Variants in IL17RA observed in about 807,000 individuals in gnomAD.
IL17RA encodes the protein interleukin 17 receptor A.
In IL17RA, 34 loss-of-function variants were observed where a neutral mutation model predicts 50.4. The ratio of observed to expected loss-of-function variants is 0.67; its 90% CI spans 0.51 to 0.90. The LOEUF (loss-of-function observed/expected upper bound fraction) is 0.90. IL17RA is among the 40% of genes least tolerant of loss of function. The pLI is 0.00. For synonymous variants in IL17RA, 585 were observed against 510.4 expected, an observed-to-expected ratio of 1.15 and a Z score of -1.97; for missense variants, 1,276 against 1,169.8, an observed-to-expected ratio of 1.09 and a Z score of -1.32.
intron 1 of IL17RA, among the ~76,000 whole-genome samples, chr22:17,087,254 C>G (rs973550508): frequency 6.6e-6 from 1 of 152,200 alleles, no homozygotes; most frequent in African/African-American, 2.4e-5. Context: ...GCCAGAGGAC[C>G]TGGATTTGCA....
Position 17,103,484 on chromosome 22 carries a change from C to G in IL17RA, c.763-10C>G. ...CAACTAGCCTTACCCATCCTCGCCT[C>G]TCTCCTCAGCCCAGACCAGAAGAGT... On this transcript the variant is annotated splice_polypyrimidine_tract_variant and intron_variant, in intron 7 of 12. Transcript: ENST00000319363. The G allele has an allele frequency of 2.5e-6, 4 of 1,612,676 alleles. No homozygotes were observed. The highest frequency in any genetic ancestry group is 3.4e-6 in the Non-Finnish European group (4 of 1,179,330).
intron 1 of IL17RA, among the ~76,000 whole-genome samples, chr22:17,088,569 T>A (rs1365992385): frequency 2.6e-5 from 4 of 151,698 alleles, no homozygotes; most frequent in Non-Finnish European, 5.9e-5. Flanking sequence ...CACTGCAACA[T>A]CCACCTCCCA....
rs537930952 is a variant in IL17RA at position 17,107,433 on chromosome 22, C to T, written c.1046-294C>T. 7.2e-5 allele frequency among the ~76,000 whole-genome samples: 11 copies of T among 152,360 alleles called. No homozygotes were observed. The South Asian group carries it at 1.9e-3, about 26-fold the overall frequency. Reference sequence around the variant, plus strand: ...AATTGATTATGTACAACGTGCCAGGCACGTCACATACACACACTCATTTAA... The same window carrying T: ...AATTGATTATGTACAACGTGCCAGGTACGTCACATACACACACTCATTTAA... On this transcript the variant is annotated intron_variant, in intron 11 of 12. Transcript: ENST00000319363.
rs2061430554 is a variant in IL17RA at position 17,109,446 on chromosome 22, GAC to G, written c.2228_2229del (p.Asp743GlyfsTer27). On this transcript the variant is annotated frameshift_variant, in exon 13 of 13. Transcript: ENST00000319363. LOFTEE classifies it low-confidence loss of function (END_TRUNC). ...GGCGTCTCCTGACCTCCTTCCAGAGGACGTGAGGGAGCACCTCGAAGGCTTGA... is the reference window on the plus strand; with the variant it reads ...GGCGTCTCCTGACCTCCTTCCAGAGGGTGAGGGAGCACCTCGAAGGCTTGA... ...PMASPDLLPE[D>X]VREHLEGLML... The G allele has an allele frequency of 6.2e-7, 1 of 1,613,388 alleles. No homozygotes were observed. The highest frequency in any genetic ancestry group is 1.1e-5 in the South Asian group (1 of 91,036).
At position 17,108,377 on chromosome 22, in the gene IL17RA, C is replaced by T. The variant is rs760800603; in HGVS notation, c.1158C>T (p.Ala386=). The change falls in exon 13 of 13, where the codon GCC becomes GCT. Residue 386 remains alanine (A), a synonymous_variant. Coordinates refer to ENST00000319363, the MANE Select transcript of IL17RA (RefSeq NM_014339.7). Reference sequence around the variant, plus strand: ...GGAAGGTCTGGATCATCTACTCAGCCGACCACCCCCTCTACGTGGACGTGG... The same window carrying T: ...GGAAGGTCTGGATCATCTACTCAGCTGACCACCCCCTCTACGTGGACGTGG... The part of the protein sequence containing the change: ...KPRKVWIIYS[A]DHPLYVDVVL... The T allele has an allele frequency of 3.7e-6, 6 of 1,614,018 alleles. No individual in the cohort carries two copies. The highest frequency in any genetic ancestry group is 2.2e-5 in the South Asian group (2 of 91,076).
rs12157751 is a variant in IL17RA at position 17,110,219 on chromosome 22, C to T, written c.*399C>T. On this transcript the variant is annotated 3_prime_UTR_variant, in exon 13 of 13. Coordinates refer to ENST00000319363, the MANE Select transcript of IL17RA (RefSeq NM_014339.7). The stretch of plus-strand genomic sequence containing the variant: ...GACACGTTAAACGAACAGGATGGGC[C>T]GGGCACGGTGGCTCACGCCTGTAAT... 581 of 300,186 alleles carry T rather than the reference C, an allele frequency of 1.9e-3. 4 individuals are homozygous for T. The highest frequency in any genetic ancestry group is 0.012 in the African/African-American group (542 of 44,954). The allele number at this position is 300,186 out of a possible 1,614,324, so 18.6% of individuals were successfully genotyped here.
chr22:17,100,510 C>T, intron 5 of IL17RA, 29 bp downstream of exon 5: 2 of 1,612,582 alleles, frequency 1.2e-6, no homozygotes, highest in African/African-American at 1.3e-5. Flanking sequence ...GACATTCCCT[C>T]CCCAATGGCC....
In IL17RA at chr22:17,086,219, T is replaced by TCCCCTCCACCTC. The variant is rs2061327305; in HGVS notation, c.138+992_138+1003dup. On this transcript the variant is annotated intron_variant, in intron 1 of 12. Transcript: ENST00000319363. The stretch of plus-strand genomic sequence containing the variant: ...CCCGCATCCCCGAGGGGATCTTTCC[T>TCCCCTCCACCTC]CCCCTCCACCTCCACCTCCACCTCC... 1.2e-4 allele frequency among the ~76,000 whole-genome samples: 18 copies of TCCCCTCCACCTC among 151,718 alleles called. No homozygotes were observed. The South Asian group carries it at 3.8e-3, about 32-fold the overall frequency.
At chr22:17,093,954 C>CTTTTATTTTATCTTACTTTA (rs2061356470) in intron 1 of IL17RA, 1 of 89,400 alleles carries the variant, frequency 1.1e-5, no homozygotes, top group Admixed American at 1.2e-4. Context: ...CAGAATAGCC[C>CTTTTATTTTATCTTACTTTA]TTTTATTTTA....
Position 17,100,408 on chromosome 22 carries a change from G to T in IL17RA, c.477G>T (p.Val159=). Residue 159 remains valine (V), a synonymous_variant, in exon 5 of 13, where the codon GTG becomes GTT. Transcript: ENST00000319363. Reference sequence around the variant, plus strand: ...TTGACCCTGACCAGGAATATGAGGTGACCGTTCACCACCTGCCCAAGCCCA... The same window carrying T: ...TTGACCCTGACCAGGAATATGAGGTTACCGTTCACCACCTGCCCAAGCCCA... ...FVVDPDQEYE[V]TVHHLPKPIP... is the part of the protein sequence containing the mutation. 1.2e-6 allele frequency: 2 copies of T among 1,614,102 alleles called. No homozygotes were observed. The highest frequency in any genetic ancestry group is 2.2e-5 in the South Asian group (2 of 91,080).
chr22:17,096,486 G>A (rs1179557440), intron 1 of IL17RA, among the ~76,000 whole-genome samples: 1 of 152,136 alleles, frequency 6.6e-6, no homozygotes, highest in Non-Finnish European at 1.5e-5. Flanking sequence ...CTTAGGAGAT[G>A]AAGGGGCCCT....
intron 1 of IL17RA, among the ~76,000 whole-genome samples, chr22:17,094,677 CTCTCTCTCTCTCTCTA>C (rs2061361077): frequency 8.1e-5 from 4 of 49,344 alleles, no homozygotes; most frequent in Admixed American, 7.2e-4. Context: ...CTCTCTCTCT[CTCTCTCTCTCTCTCTA>C]TATATATATA....
At chr22:17,085,418 G>A (rs2061323467) in intron 1 of IL17RA, 189 bp downstream of exon 1, 1 of 717,710 alleles carries the variant, frequency 1.4e-6, no homozygotes, top group Admixed American at 6.3e-5. Flanking sequence ...GGAGCGGTGG[G>A]AGTTGCGGTG....
intron 1 of IL17RA, among the ~76,000 whole-genome samples, chr22:17,089,915 C>T (rs542053509): frequency 5.9e-4 from 89 of 149,624 alleles, no homozygotes; most frequent in African/African-American, 2.2e-3. Flanking sequence ...TTAGGGATGA[C>T]TATTGGAGAG....
At position 17,097,047 on chromosome 22, in the gene IL17RA, C is replaced by T. The variant is rs1456581818; in HGVS notation, c.139-15C>T. 2 of 1,613,044 alleles carry T rather than the reference C, an allele frequency of 1.2e-6. No individual in the cohort carries two copies. The highest frequency in any genetic ancestry group is 1.7e-6 in the Non-Finnish European group (2 of 1,179,026). The stretch of plus-strand genomic sequence containing the variant: ...CCTTTTCCCAGCTGTAATAACCACC[C>T]TCTTTTTTCCACAGGGGCTAAACTG... On this transcript the variant is annotated splice_polypyrimidine_tract_variant and intron_variant, in intron 1 of 12. Coordinates refer to ENST00000319363, the MANE Select transcript of IL17RA (RefSeq NM_014339.7).
At chr22:17,108,141 G>C (rs556350006) in intron 12 of IL17RA, among the ~76,000 whole-genome samples, 166 bp from the exon 13 acceptor site, 1 of 152,214 alleles carries the variant, frequency 6.6e-6, no homozygotes, top group Non-Finnish European at 1.5e-5. Flanking sequence ...GCAGCCAAAG[G>C]TGGAATAGTA....
intron 1 of IL17RA, among the ~76,000 whole-genome samples, chr22:17,090,971 C>G (rs1030205633): frequency 1.3e-4 from 20 of 152,292 alleles, no homozygotes; most frequent in African/African-American, 4.8e-4. Context: ...AATTCCATCC[C>G]CCGCTTTCCC....
In IL17RA at chr22:17,108,431, C is replaced by T. The variant is rs1568923244; in HGVS notation, c.1212C>T (p.Thr404=). 5 of 1,614,022 alleles carry T rather than the reference C, an allele frequency of 3.1e-6. No individual in the cohort carries two copies. Among genetic ancestry groups the T allele is most frequent in the South Asian group, 2.2e-5 (2 of 91,088 alleles). ...VVLKFAQFLL[T]ACGTEVALDL... The stretch of plus-strand genomic sequence containing the variant: ...TGAAATTCGCCCAGTTCCTGCTCAC[C>T]GCCTGCGGCACGGAAGTGGCCCTGG... Residue 404 remains threonine, a synonymous_variant, in exon 13 of 13, where the codon ACC becomes ACT. Coordinates refer to ENST00000319363, the MANE Select transcript of IL17RA (RefSeq NM_014339.7).
chr22:17,103,159 A>G (rs2061397890), intron 7 of IL17RA, among the ~76,000 whole-genome samples: 1 of 152,160 alleles, frequency 6.6e-6, no homozygotes, highest in Non-Finnish European at 1.5e-5. Flanking sequence ...AAAAGAAATA[A>G]AGGTAATACG....
Sources: allele counts gnomAD v4.1 joint callset (sites outside exome capture counted in the v4.1 genomes callset), GRCh38; gene constraint gnomAD v4.1.1; transcripts MANE v1.5; gene names NCBI Gene and HGNC (gene_info 2026-07-23, HGNC 2026-07-21).